Variants in ITPR2 observed in about 807,000 individuals in gnomAD.
ITPR2 encodes inositol 1,4,5-trisphosphate-gated calcium channel ITPR2.
Under a neutral mutation model 317.1 loss-of-function variants are expected in ITPR2, and 207 were observed. That is an observed-to-expected ratio of 0.65 (90% CI 0.58 to 0.73). The LOEUF (loss-of-function observed/expected upper bound fraction) is 0.73, where lower values mean the gene tolerates loss of function less well. ITPR2 is among the 30% of genes least tolerant of loss of function. ITPR2 has a pLI of 0.00. For synonymous variants in ITPR2, 1,156 were observed against 1,149.1 expected (o/e 1.01, Z -0.12); for missense variants, 2,613 against 3,284.0 (o/e 0.80, Z 4.99).
chr12:26,561,342 C>G (rs76973227), intron 35 of ITPR2, among the ~76,000 whole-genome samples: 31 of 152,162 alleles, frequency 2.0e-4, no homozygotes, highest in Non-Finnish European at 4.4e-4. Flanking sequence ...CAAACTAATA[C>G]AATTTCCAGG....
intron 2 of ITPR2, among the ~76,000 whole-genome samples, chr12:26,770,753 C>T (rs1480792970): frequency 2.0e-5 from 3 of 152,226 alleles, no homozygotes; most frequent in Non-Finnish European, 4.4e-5. Context: ...AGGCTCCTTG[C>T]AGCAACATGG....
chr12:26,759,927 G>C (rs924310335), intron 2 of ITPR2, among the ~76,000 whole-genome samples: 1 of 152,226 alleles, frequency 6.6e-6, no homozygotes, highest in Non-Finnish European at 1.5e-5. Flanking sequence ...GATGGAAAAT[G>C]TAATTAGTCA....
Position 26,650,985 on chromosome 12 carries a change from C to T in ITPR2, c.2740+2991G>A, listed in dbSNP as rs112685460. On this transcript the variant is annotated intron_variant, in intron 21 of 56. Coordinates refer to ENST00000381340, the MANE Select transcript of ITPR2 (RefSeq NM_002223.4). ...TAATAGTAAAGAATATTCATATACGCTTTCCTTTTTTCTCCATTTGCTTTC... is the reference window on the plus strand; with the variant it reads ...TAATAGTAAAGAATATTCATATACGTTTTCCTTTTTTCTCCATTTGCTTTC... 1.6e-3 allele frequency among the ~76,000 whole-genome samples: 239 copies of T among 152,248 alleles called. 3 individuals are homozygous for T. The highest frequency in any genetic ancestry group is 5.6e-3 in the African/African-American group (234 of 41,552).
chr12:26,469,756 G>T (rs2136807112), intron 45 of ITPR2, among the ~76,000 whole-genome samples: 1 of 152,144 alleles, frequency 6.6e-6, no homozygotes, highest in East Asian at 1.9e-4. Flanking sequence ...CTCAATGAAA[G>T]AAAGAACAAG....
At chr12:26,670,012 G>T (rs1256518231) in intron 13 of ITPR2, among the ~76,000 whole-genome samples, 5 of 152,342 alleles carry the variant, frequency 3.3e-5, no homozygotes, top group Admixed American at 3.3e-4. Flanking sequence ...GCCCGCCATT[G>T]CCCAGGCTTG....
chr12:26,382,741 G>A (rs995072355), intron 55 of ITPR2, among the ~76,000 whole-genome samples: 12 of 152,084 alleles, frequency 7.9e-5, no homozygotes, highest in South Asian at 2.1e-4. Flanking sequence ...TTCAGACCCC[G>A]ATCCTATTAT....
Position 26,549,445 on chromosome 12 carries a change from C to T in ITPR2, c.5073+802G>A, listed in dbSNP as rs184872059. Among the ~76,000 whole-genome samples the T allele has an allele frequency of 1.8e-3, 271 of 152,164 alleles. 2 individuals are homozygous for T. The highest frequency in any genetic ancestry group is 5.9e-3 in the African/African-American group (246 of 41,542). ...CAATCTTTCTGGAATTTAGCATATACATAAAGTAATACATAAAATCCTTCC... is the reference window on the plus strand; with the variant it reads ...CAATCTTTCTGGAATTTAGCATATATATAAAGTAATACATAAAATCCTTCC... On this transcript the variant is annotated intron_variant, in intron 37 of 56. Coordinates refer to ENST00000381340, the MANE Select transcript of ITPR2 (RefSeq NM_002223.4).
chr12:26,362,658 C>T (rs1380162412), intron 55 of ITPR2, among the ~76,000 whole-genome samples: 2 of 152,186 alleles, frequency 1.3e-5, no homozygotes, highest in African/African-American at 2.4e-5. Context: ...TCATAAACTG[C>T]TCTTCTGCTC....
At chr12:26,436,160 CTTTAAA>C in intron 48 of ITPR2, 55 bp downstream of exon 48, 1 of 1,410,430 alleles carries the variant, frequency 7.1e-7, no homozygotes, top group Non-Finnish European at 9.4e-7. Context: ...TATTTTGAAG[CTTTAAA>C]TAGTTAAGTG....
At chr12:26,645,460 A>G (rs1334150567) in intron 21 of ITPR2, among the ~76,000 whole-genome samples, 1 of 152,170 alleles carries the variant, frequency 6.6e-6, no homozygotes, top group Non-Finnish European at 1.5e-5. Context: ...CATATGGAAG[A>G]TGGGTAAGTG....
At chr12:26,791,374 TAAA>T (rs5797201) in intron 1 of ITPR2, among the ~76,000 whole-genome samples, 1 of 146,340 alleles carries the variant, frequency 6.8e-6, no homozygotes, top group Admixed American at 6.8e-5. Flanking sequence ...CCTTGTGGTT[TAAA>T]AAAAAAAAAG....
At chr12:26,371,972 T>C (rs1180283290) in intron 55 of ITPR2, among the ~76,000 whole-genome samples, 1 of 152,230 alleles carries the variant, frequency 6.6e-6, no homozygotes, top group Non-Finnish European at 1.5e-5. Context: ...CTCCTGTGTT[T>C]GAAGGATCAA....
rs73292389 is a variant in ITPR2, at chr12:26,724,615, T to C, written c.366+41A>G. On this transcript the variant is annotated intron_variant, in intron 4 of 56. Coordinates refer to ENST00000381340, the MANE Select transcript of ITPR2 (RefSeq NM_002223.4). ...CTTTCCTGCCAACTTACTGACAAAC[T>C]CCACATAAAATACTCACCTCGTTTA... 3,251 of 1,279,476 alleles carry C rather than the reference T, an allele frequency of 2.5e-3. 68 individuals are homozygous for C. The African/African-American group carries it at 0.041, about 16-fold the overall frequency. 79.3% of individuals were successfully genotyped at this position (1,279,476 alleles called of 1,614,324 possible).
chr12:26,423,260 G>T (rs1333664352), intron 49 of ITPR2, among the ~76,000 whole-genome samples: 1 of 152,136 alleles, frequency 6.6e-6, no homozygotes, highest in East Asian at 1.9e-4. Flanking sequence ...CTGAATTTGT[G>T]TATGTTAAAT....
intron 45 of ITPR2, among the ~76,000 whole-genome samples, chr12:26,455,812 C>A (rs532993989): frequency 2.6e-5 from 4 of 152,174 alleles, no homozygotes; most frequent in African/African-American, 9.6e-5. Context: ...GGTATATGAA[C>A]AAAGTTACTG....
chr12:26,671,093 G>A (rs1394574552), intron 13 of ITPR2, among the ~76,000 whole-genome samples: 18 of 152,136 alleles, frequency 1.2e-4, no homozygotes, highest in African/African-American at 3.4e-4. Context: ...TGAAAGTGAC[G>A]GGGAGAATGG....
rs775384764 is a variant in ITPR2 at position 26,475,314 on chromosome 12, G to A, written c.6324C>T (p.Ile2108=). ...GTGACACCTGATGGGCCAGAATATA[G>A]ATATTGTGTCCAACATCTTTTGGAG... ...GVSPKDVGHN[I]YILAHQLARH... Residue 2108 remains isoleucine, a synonymous_variant, in exon 45 of 57, where the codon ATC becomes ATT. Coordinates refer to ENST00000381340, the MANE Select transcript of ITPR2 (RefSeq NM_002223.4). 9 of 1,613,686 alleles carry A rather than the reference G, an allele frequency of 5.6e-6. No homozygotes were observed. In the East Asian group the frequency reaches 1.8e-4, roughly 32 times the overall value.
At chr12:26,362,839 C>T (rs1251959223) in intron 55 of ITPR2, among the ~76,000 whole-genome samples, 2 of 152,162 alleles carry the variant, frequency 1.3e-5, no homozygotes. Flanking sequence ...TGAAAGAAAG[C>T]ATAACTGGGG....
At chr12:26,424,590 T>TG (rs1449658450) in intron 49 of ITPR2, among the ~76,000 whole-genome samples, 5 of 134,004 alleles carry the variant, frequency 3.7e-5, no homozygotes, top group East Asian at 2.1e-4. Context: ...TTTTGTGTTT[T>TG]TTTTTTTTTT....
Sources: gnomAD v4.1 joint callset for allele counts (sites outside exome capture counted in the v4.1 genomes callset) on GRCh38, gnomAD v4.1.1 for gene constraint, MANE v1.5 for transcripts, NCBI Gene and HGNC (gene_info 2026-07-23, HGNC 2026-07-21) for gene names.